LRP2: variants seen among roughly 807,000 people sequenced by gnomAD.
The protein encoded by LRP2 is low-density lipoprotein receptor-related protein 2.
A neutral mutation model predicts 531.0 loss-of-function variants in LRP2; 172 were observed. That is an observed-to-expected ratio of 0.32 (90% CI 0.29 to 0.37). The LOEUF is 0.37. Among genes scored for constraint, LRP2 ranks in the 10% least tolerant of loss-of-function variants. The pLI is 1.00. For synonymous variants in LRP2, 1,992 were observed against 2,027.6 expected (o/e 0.98, Z 0.47); for missense variants, 5,167 against 5,868.3 (o/e 0.88, Z 3.90).
rs895609402 is a variant in LRP2, at chr2:169,128,663, C to T, written c.13968G>A (p.Ter4656=). 2 of 1,613,616 alleles carry T rather than the reference C, an allele frequency of 1.2e-6. No individual in the cohort carries two copies. Among genetic ancestry groups the T allele is most frequent in the Non-Finnish European group, 1.7e-6 (2 of 1,179,612 alleles). ...ANLVKEDSEV[*] ...ATTATTCCCTAAATAGCTGGTATAG[C>T]TATACTTCAGAGTCTTCTTTAACAA... The change falls in exon 79 of 79, where the codon TAG becomes TAA. Residue 4656 remains the stop codon, a stop_retained_variant. Transcript: ENST00000649046.
intron 21 of LRP2, among the ~76,000 whole-genome samples, chr2:169,245,198 G>T (rs908461802): frequency 2.0e-5 from 3 of 152,134 alleles, no homozygotes; most frequent in African/African-American, 7.2e-5. Context: ...ATACTATAAA[G>T]TACATATAAT....
intron 67 of LRP2, among the ~76,000 whole-genome samples, chr2:169,152,102 C>T (rs919341848): frequency 3.3e-5 from 5 of 152,216 alleles, no homozygotes; most frequent in Admixed American, 6.5e-5. Flanking sequence ...GAAGAATGAG[C>T]TTACTAACTT....
At chr2:169,258,007 G>C (rs780550881) in intron 17 of LRP2, among the ~76,000 whole-genome samples, 4 of 151,902 alleles carry the variant, frequency 2.6e-5, no homozygotes, top group Non-Finnish European at 5.9e-5. Context: ...CAAAACCAAA[G>C]GCCAAAAGTT....
rs1193983207 is a variant in LRP2 at position 169,205,637 on chromosome 2, C to G, written c.7557G>C (p.Gly2519=). The G allele has an allele frequency of 1.9e-6, 3 of 1,613,086 alleles. No individual in the cohort carries two copies. The highest frequency in any genetic ancestry group is 2.5e-6 in the Non-Finnish European group (3 of 1,179,786). ...TATCCCAGTCAGCCCAGTACAGGTA[C>G]CTAGTCATACAAAAGGAGTCAATAA... ...PRAIVLDPCQ[G]YLYWADWDTH... Residue 2519 remains glycine (G), a splice_region_variant and synonymous_variant, in exon 41 of 79, where the codon GGG becomes GGC. Coordinates refer to ENST00000649046, the MANE Select transcript of LRP2 (RefSeq NM_004525.3).
intron 24 of LRP2, 32 bp downstream of exon 24, chr2:169,242,924 T>G: frequency 6.6e-7 from 1 of 1,504,246 alleles, no homozygotes. Context: ...ATGACCCCTT[T>G]GTCTGAAACA....
intron 1 of LRP2, among the ~76,000 whole-genome samples, chr2:169,345,754 CAAAAA>C (rs72365288): frequency 2.7e-5 from 3 of 111,456 alleles, no homozygotes; most frequent in Non-Finnish European, 6.0e-5. Context: ...AGGGGGCGGT[CAAAAA>C]AAAAAAAAAA....
intron 44 of LRP2, among the ~76,000 whole-genome samples, chr2:169,200,232 T>C (rs917534280): frequency 1.2e-4 from 19 of 152,148 alleles, no homozygotes; most frequent in African/African-American, 2.4e-4. Context: ...GCCTGGGCGA[T>C]AGAGCAAGAC....
In LRP2 at chr2:169,246,690, T is replaced by C; in HGVS notation, c.3190+15A>G. 3 of 1,614,160 alleles carry C rather than the reference T, an allele frequency of 1.9e-6. No homozygotes were observed. Among genetic ancestry groups the C allele is most frequent in the Non-Finnish European group, 2.5e-6 (3 of 1,179,964 alleles). ...TATTCATCCCAGGAAATATCGCCAGTGCATAGCTACTTACTAAGTGTGCCA... is the reference window on the plus strand; with the variant it reads ...TATTCATCCCAGGAAATATCGCCAGCGCATAGCTACTTACTAAGTGTGCCA... On this transcript the variant is annotated intron_variant, in intron 21 of 78. Transcript: ENST00000649046.
intron 16 of LRP2, among the ~76,000 whole-genome samples, chr2:169,261,073 G>A (rs778888627): frequency 1.6e-4 from 25 of 152,040 alleles, no homozygotes; most frequent in Non-Finnish European, 3.2e-4. Flanking sequence ...AGTAATCAGT[G>A]AGAAATGTGG....
chr2:169,178,563 T>C (rs1229712940), intron 52 of LRP2, among the ~76,000 whole-genome samples: 1 of 152,188 alleles, frequency 6.6e-6, no homozygotes, highest in Non-Finnish European at 1.5e-5. Flanking sequence ...AGGGTTAACT[T>C]TGCAAACACC....
In LRP2 at chr2:169,279,170, A is replaced by G. The variant is rs62173981; in HGVS notation, c.1565+202T>C. On this transcript the variant is annotated intron_variant, in intron 12 of 78. Coordinates refer to ENST00000649046, the MANE Select transcript of LRP2 (RefSeq NM_004525.3). Reference sequence around the variant, plus strand: ...AGTACACCACTAGGTGTGTTTGGGTAACATGTCCTCAAATAGGATTATATT... The same window carrying G: ...AGTACACCACTAGGTGTGTTTGGGTGACATGTCCTCAAATAGGATTATATT... Among the ~76,000 whole-genome samples, 35,712 of 152,118 alleles carry G rather than the reference A, an allele frequency of 0.23. 5,409 individuals carry two copies. The highest frequency in any genetic ancestry group is 0.43 in the African/African-American group (17,657 of 41,440).
Position 169,186,009 on chromosome 2 carries a change from T to C in LRP2, c.9339A>G (p.Glu3113=). ...NSDEKGCGIN[E]CHDPSISGCD... ...AGCCACTGATTGAAGGGTCATGGCA[T>C]TCATTAATGCCTGTAGGTAAAAAGC... Residue 3113 remains glutamate (E), a synonymous_variant, in exon 50 of 79, where the codon GAA becomes GAG. Coordinates refer to ENST00000649046, the MANE Select transcript of LRP2 (RefSeq NM_004525.3). 1 of 1,613,596 alleles carries C rather than the reference T, an allele frequency of 6.2e-7. No individual in the cohort carries two copies. The highest frequency in any genetic ancestry group is 8.5e-7 in the Non-Finnish European group (1 of 1,179,926).
intron 68 of LRP2, among the ~76,000 whole-genome samples, chr2:169,147,187 G>A (rs185302806): frequency 3.1e-3 from 467 of 152,268 alleles, no homozygotes; most frequent in Non-Finnish European, 5.1e-3. Flanking sequence ...GAAATTGGCC[G>A]AAGGATGGAT....
At chr2:169,154,657 A>C in intron 65 of LRP2, 54 bp from the exon 66 acceptor site, 1 of 1,545,462 alleles carries the variant, frequency 6.5e-7, no homozygotes, top group Non-Finnish European at 8.9e-7. Flanking sequence ...TTCCTATATA[A>C]AGTAGGATAT....
chr2:169,173,460 G>T (rs1687075678), intron 56 of LRP2, among the ~76,000 whole-genome samples: 11 of 152,258 alleles, frequency 7.2e-5, no homozygotes, highest in Admixed American at 6.5e-4. Context: ...TTTGTGGGTG[G>T]GGTTGGGGAA....
intron 3 of LRP2, among the ~76,000 whole-genome samples, chr2:169,312,952 T>G (rs1316521380): frequency 6.6e-6 from 1 of 152,238 alleles, no homozygotes; most frequent in Non-Finnish European, 1.5e-5. Context: ...TTTCATTCAT[T>G]TGATCTTCAA....
At chr2:169,259,657 G>T (rs1690462580) in intron 16 of LRP2, among the ~76,000 whole-genome samples, 2 of 151,458 alleles carry the variant, frequency 1.3e-5, no homozygotes, top group Admixed American at 1.3e-4. Context: ...CTCATCAACA[G>T]TCTTCCACAG....
chr2:169,215,491 T>C (rs1688747137), intron 35 of LRP2, among the ~76,000 whole-genome samples: 2 of 152,018 alleles, frequency 1.3e-5, no homozygotes, highest in South Asian at 2.1e-4. Context: ...AAATCACCAC[T>C]AAAGAAAGTT....
chr2:169,135,363 G>C (rs998350384), intron 76 of LRP2, among the ~76,000 whole-genome samples: 17 of 152,134 alleles, frequency 1.1e-4, no homozygotes, highest in Admixed American at 9.2e-4. Context: ...TCTTGGTCTG[G>C]GTAGACACTT....
Sources: gnomAD v4.1 joint callset for allele counts (sites outside exome capture counted in the v4.1 genomes callset) on GRCh38, gnomAD v4.1.1 for gene constraint, MANE v1.5 for transcripts, NCBI Gene and HGNC (gene_info 2026-07-23, HGNC 2026-07-21) for gene names.